PRKAR1B: variants seen among roughly 807,000 people sequenced by gnomAD.
PRKAR1B encodes the protein protein kinase cAMP-dependent type I regulatory subunit beta.
PRKAR1B carries 22 observed loss-of-function variants against 46.5 expected under a neutral mutation model. The ratio of observed to expected loss-of-function variants is 0.47; its 90% CI spans 0.34 to 0.68. PRKAR1B has a LOEUF of 0.68. Ranked by LOEUF, PRKAR1B falls within the 30% of genes least tolerant of loss-of-function variation. The probability of loss-of-function intolerance (pLI) is 0.01; values close to 1 mark genes in which losing one functional copy is unlikely to be tolerated. For synonymous variants in PRKAR1B, 259 were observed against 217.7 expected, an observed-to-expected ratio of 1.19 and a Z score of -1.67; for missense variants, 445 against 535.6, an observed-to-expected ratio of 0.83 and a Z score of 1.67.
chr7:688,033 T>C lies in PRKAR1B; in HGVS notation c.178-7307A>G, dbSNP rs576091592. 2.7e-4 allele frequency among the ~76,000 whole-genome samples: 40 copies of C among 145,632 alleles called. No homozygotes were observed. In the South Asian group the frequency reaches 7.4e-3, roughly 27 times the overall value. ...ATCATTTGAACCCAGGAGGGAGAGG[T>C]TGCAATGAGCCAAGATCATGCCACT... On this transcript the variant is annotated intron_variant, in intron 2 of 10. Coordinates refer to ENST00000537384, the MANE Select transcript of PRKAR1B (RefSeq NM_001164760.2).
chr7:550,380 G>A lies in PRKAR1B; in HGVS notation c.*50C>T. The A allele has an allele frequency of 6.5e-7, 1 of 1,535,202 alleles. No individual in the cohort carries two copies. The highest frequency in any genetic ancestry group is 8.8e-7 in the Non-Finnish European group (1 of 1,132,194). On this transcript the variant is annotated 3_prime_UTR_variant, in exon 11 of 11. Coordinates refer to ENST00000537384, the MANE Select transcript of PRKAR1B (RefSeq NM_001164760.2). Reference sequence around the variant, plus strand: ...CCCGGGCCCCCGACACAGACGAGCAGGGCACGGCCACCACACTGGGGAGCT... The same window carrying A: ...CCCGGGCCCCCGACACAGACGAGCAAGGCACGGCCACCACACTGGGGAGCT...
At chr7:561,629 G>C (rs1437211793) in intron 9 of PRKAR1B, among the ~76,000 whole-genome samples, 1 of 152,194 alleles carries the variant, frequency 6.6e-6, no homozygotes, top group Non-Finnish European at 1.5e-5. Context: ...CCGGCTGGCC[G>C]AGACGGAACT....
chr7:711,467 C>T lies in PRKAR1B; in HGVS notation c.39G>A (p.Glu13=). The T allele has an allele frequency of 1.2e-6, 2 of 1,614,152 alleles. No homozygotes were observed. Among genetic ancestry groups the T allele is most frequent in the Non-Finnish European group, 1.7e-6 (2 of 1,179,992 alleles). Residue 13 remains glutamate, a synonymous_variant, in exon 2 of 11, where the codon GAG becomes GAA. Transcript: ENST00000537384. The part of the protein sequence containing the change: ...SPPACPSEED[E]SLKGCELYVQ... ...CGTACAGCTCACAGCCCTTCAGGCT[C>T]TCGTCCTCCTCCGAGGGGCAGGCGG...
intron 9 of PRKAR1B, among the ~76,000 whole-genome samples, chr7:557,448 C>A (rs1391649857): frequency 3.3e-5 from 5 of 152,244 alleles, no homozygotes; most frequent in African/African-American, 1.2e-4. Context: ...AGCTGATACA[C>A]CACCCTGCAC....
At chr7:625,140 A>C (rs1287648197) in intron 4 of PRKAR1B, among the ~76,000 whole-genome samples, 1 of 152,266 alleles carries the variant, frequency 6.6e-6, no homozygotes, top group Non-Finnish European at 1.5e-5. Flanking sequence ...TTTGGAGATT[A>C]AATAACATAC....
At chr7:678,823 C>T (rs1181535356) in intron 3 of PRKAR1B, among the ~76,000 whole-genome samples, 2 of 152,250 alleles carry the variant, frequency 1.3e-5, no homozygotes, top group South Asian at 4.1e-4. Flanking sequence ...TGGTGGCTCA[C>T]ACCTGTAATC....
In PRKAR1B at chr7:672,595, C is replaced by T. The variant is rs375274998; in HGVS notation, c.440+4634G>A. 1.3e-4 allele frequency among the ~76,000 whole-genome samples: 19 copies of T among 151,896 alleles called. No individual in the cohort carries two copies. The East Asian group carries it at 3.5e-3, about 28-fold the overall frequency. Reference sequence around the variant, plus strand: ...TAGAAATAAAAATAATAGCCAGGCGCGATGGCTCATGTCTATAATCCTAGC... The same window carrying T: ...TAGAAATAAAAATAATAGCCAGGCGTGATGGCTCATGTCTATAATCCTAGC... On this transcript the variant is annotated intron_variant, in intron 4 of 10. Coordinates refer to ENST00000537384, the MANE Select transcript of PRKAR1B (RefSeq NM_001164760.2).
rs144985298 is a variant in PRKAR1B at position 666,835 on chromosome 7, C to T, written c.440+10394G>A. Among the ~76,000 whole-genome samples, 1,080 of 152,318 alleles carry T rather than the reference C, an allele frequency of 7.1e-3. 15 individuals are homozygous for T. The highest frequency in any genetic ancestry group is 0.024 in the African/African-American group (1,013 of 41,558). The stretch of plus-strand genomic sequence containing the variant: ...TGACTGCGGGGTCTGTCTGGATAGC[C>T]GGGCCAGCCTCCAAGGGGCAAGGCA... On this transcript the variant is annotated intron_variant, in intron 4 of 10. Coordinates refer to ENST00000537384, the MANE Select transcript of PRKAR1B (RefSeq NM_001164760.2). The surrounding 1 kb of genome is among the most constrained non-coding windows in gnomAD (Gnocchi z 4.9).
chr7:651,413 G>T (rs1462039235), intron 4 of PRKAR1B, among the ~76,000 whole-genome samples: 4 of 152,212 alleles, frequency 2.6e-5, no homozygotes, highest in African/African-American at 9.7e-5. Context: ...CTTCCACGAG[G>T]CTTTAGCAAT....
intron 10 of PRKAR1B, 66 bp downstream of exon 10, chr7:551,323 C>A: frequency 1.4e-6 from 2 of 1,470,044 alleles, no homozygotes; most frequent in East Asian, 2.5e-5. Context: ...CACCTCCAGG[C>A]CCCTCCCGAG....
chr7:634,643 GTT>G (rs545415569), intron 4 of PRKAR1B, among the ~76,000 whole-genome samples: 1 of 142,718 alleles, frequency 7.0e-6, no homozygotes. Context: ...GCAACTTACT[GTT>G]TTTTTTTTTT....
rs1175532905 is a variant in PRKAR1B, at chr7:573,902, G to A, written c.891+5354C>T. Among the ~76,000 whole-genome samples, 3 of 152,204 alleles carry A rather than the reference G, an allele frequency of 2.0e-5. No individual in the cohort carries two copies. The East Asian group carries it at 5.8e-4, about 29-fold the overall frequency. ...CGATGACCCCGGCGTGGATGTGGAGGGCGTGGCTGGCAGAATCCCCCCGCC... is the reference window on the plus strand; with the variant it reads ...CGATGACCCCGGCGTGGATGTGGAGAGCGTGGCTGGCAGAATCCCCCCGCC... On this transcript the variant is annotated intron_variant, in intron 9 of 10. Transcript: ENST00000537384.
intron 4 of PRKAR1B, among the ~76,000 whole-genome samples, chr7:669,314 T>C (rs567318981): frequency 3.9e-5 from 6 of 152,166 alleles, no homozygotes; most frequent in Admixed American, 1.3e-4. Flanking sequence ...AGAAAGTAAA[T>C]TGGGGCTATC....
chr7:721,740 C>T (rs989654191), intron 1 of PRKAR1B, among the ~76,000 whole-genome samples: 3 of 152,148 alleles, frequency 2.0e-5, no homozygotes, highest in African/African-American at 4.8e-5. Context: ...ATTAGTTTGC[C>T]TGTCTGAGAA....
intron 9 of PRKAR1B, among the ~76,000 whole-genome samples, chr7:570,362 C>G (rs554412165): frequency 6.6e-6 from 1 of 152,198 alleles, no homozygotes; most frequent in East Asian, 1.9e-4. Flanking sequence ...TCATACCCCC[C>G]GTCAAGGAGC....
At chr7:612,456 GTGGA>G (rs200108032) in intron 4 of PRKAR1B, among the ~76,000 whole-genome samples, 6,804 of 148,486 alleles carry the variant, frequency 0.046, 375 homozygotes, top group African/African-American at 0.14. Context: ...GAGTAGATTA[GTGGA>G]TGGATGGATG....
At chr7:726,904 C>A (rs1283730767) in intron 1 of PRKAR1B, 1 of 1,346,264 alleles carries the variant, frequency 7.4e-7, no homozygotes, top group Non-Finnish European at 9.5e-7. Flanking sequence ...GGAGCCAGGC[C>A]CTGCCGCCGA....
intron 2 of PRKAR1B, among the ~76,000 whole-genome samples, chr7:695,104 A>G (rs1344861129): frequency 6.6e-6 from 1 of 152,064 alleles, no homozygotes; most frequent in Admixed American, 6.5e-5. Flanking sequence ...TAGTCGGGAC[A>G]GAAGTCGGAG....
At chr7:587,898 A>G (rs1780689548) in intron 7 of PRKAR1B, among the ~76,000 whole-genome samples, 1 of 152,346 alleles carries the variant, frequency 6.6e-6, no homozygotes, top group South Asian at 2.1e-4. Flanking sequence ...GAAAACTATG[A>G]CAAAAATGCA....
Sources: gnomAD v4.1 joint callset for allele counts (sites outside exome capture counted in the v4.1 genomes callset) on GRCh38, gnomAD v4.1.1 for gene constraint, Gnocchi (gnomAD v3.1) non-coding constraint, MANE v1.5 for transcripts, NCBI Gene and HGNC (gene_info 2026-07-23, HGNC 2026-07-21) for gene names.